The following NR2F1-AS1 variants were observed in gnomAD, a reference collection of about 807,000 sequenced individuals.
NR2F1-AS1 encodes NR2F1 regulatory antisense RNA 1, also known as NR2F1 antisense RNA 1.
intron 4 of NR2F1-AS1, among the ~76,000 whole-genome samples, chr5:93,437,806 TTTA>T (rs1342959585): frequency 6.6e-6 from 1 of 152,230 alleles, no homozygotes; most frequent in Non-Finnish European, 1.5e-5. Context: ...ATTTTATTGT[TTTA>T]TTATCTCATT....
intron 4 of NR2F1-AS1, among the ~76,000 whole-genome samples, chr5:93,513,206 C>T (rs1751337081): frequency 6.6e-6 from 1 of 152,152 alleles, no homozygotes; most frequent in African/African-American, 2.4e-5. Flanking sequence ...TTTTTATACA[C>T]TGTTAGAGAA....
At chr5:93,515,425 A>G (rs1216966081) in intron 4 of NR2F1-AS1, among the ~76,000 whole-genome samples, 3 of 151,912 alleles carry the variant, frequency 2.0e-5, no homozygotes, top group Non-Finnish European at 4.4e-5. Context: ...TACCATCATT[A>G]CTTTTTCTAT....
chr5:93,552,332 T>C (rs940533624), intron 4 of NR2F1-AS1, among the ~76,000 whole-genome samples: 17 of 152,230 alleles, frequency 1.1e-4, no homozygotes, highest in Middle Eastern at 3.4e-3. Flanking sequence ...AAGACTATAA[T>C]GGTAAGAACG....
intron 4 of NR2F1-AS1, among the ~76,000 whole-genome samples, chr5:93,446,557 A>C (rs1395680173): frequency 6.6e-6 from 1 of 152,222 alleles, no homozygotes; most frequent in African/African-American, 2.4e-5. Context: ...AAAAGAGGAC[A>C]CAAACAAATG....
chr5:93,486,945 T>G (rs7727107), intron 4 of NR2F1-AS1, among the ~76,000 whole-genome samples: 3 of 152,066 alleles, frequency 2.0e-5, no homozygotes, highest in South Asian at 4.1e-4. Flanking sequence ...GTTCAACATA[T>G]GCAAATCAAT....
chr5:93,465,293 G>T (rs527838361), intron 4 of NR2F1-AS1, among the ~76,000 whole-genome samples: 2 of 152,304 alleles, frequency 1.3e-5, no homozygotes, highest in African/African-American at 4.8e-5. Context: ...CTCAAAAGAA[G>T]ACATTTATGC....
chr5:93,476,003 C>T (rs972129305), intron 4 of NR2F1-AS1, among the ~76,000 whole-genome samples: 1 of 152,134 alleles, frequency 6.6e-6, no homozygotes, highest in Non-Finnish European at 1.5e-5. Flanking sequence ...GTTAACAATG[C>T]TATTTTTATG....
intron 4 of NR2F1-AS1, among the ~76,000 whole-genome samples, chr5:93,437,813 T>C (rs1749475343): frequency 6.6e-6 from 1 of 152,230 alleles, no homozygotes; most frequent in Admixed American, 6.5e-5. Context: ...TGTTTTATTA[T>C]CTCATTTCTA....
At chr5:93,500,627 T>A (rs1751058555) in intron 4 of NR2F1-AS1, among the ~76,000 whole-genome samples, 1 of 152,156 alleles carries the variant, frequency 6.6e-6, no homozygotes, top group South Asian at 2.1e-4. Context: ...TAATTTTGAC[T>A]TTCAAGTCTT....
intron 4 of NR2F1-AS1, among the ~76,000 whole-genome samples, chr5:93,501,787 A>C (rs1271862092): frequency 1.3e-5 from 2 of 152,256 alleles, no homozygotes; most frequent in African/African-American, 4.8e-5. Flanking sequence ...AGGGTTTGAG[A>C]GAACTAACTC....
chr5:93,576,450 A>C (rs1478641537), intron 1 of NR2F1-AS1, among the ~76,000 whole-genome samples: 1 of 150,850 alleles, frequency 6.6e-6, no homozygotes, highest in Non-Finnish European at 1.5e-5. Flanking sequence ...TTTTCATTTA[A>C]ACTTTAGCTA....
chr5:93,482,538 C>A (rs575786342), intron 4 of NR2F1-AS1, among the ~76,000 whole-genome samples: 1 of 152,248 alleles, frequency 6.6e-6, no homozygotes, highest in East Asian at 1.9e-4. Flanking sequence ...TGGGCAGACA[C>A]CGAGCTAACT....
chr5:93,540,337 A>G (rs1422586464), intron 4 of NR2F1-AS1, among the ~76,000 whole-genome samples: 1 of 152,216 alleles, frequency 6.6e-6, no homozygotes, highest in Non-Finnish European at 1.5e-5. Flanking sequence ...GATCTTTCAG[A>G]GTAGTCCTGA....
chr5:93,528,281 C>T (rs967535632), intron 4 of NR2F1-AS1, among the ~76,000 whole-genome samples: 2 of 152,096 alleles, frequency 1.3e-5, no homozygotes, highest in Non-Finnish European at 2.9e-5. Context: ...TAGAGAAAAG[C>T]AAATCAGTGC....
At position 93,427,003 on chromosome 5, in the gene NR2F1-AS1, C is replaced by T. The variant is rs377165345; in HGVS notation, n.639-31461G>A. Reference sequence around the variant, plus strand: ...TTTCTGGGCATCGATATGGAATCACCATTTATAAGTATACCTAGACAAGAC... The same window carrying T: ...TTTCTGGGCATCGATATGGAATCACTATTTATAAGTATACCTAGACAAGAC... On this transcript the variant is annotated intron_variant and non_coding_transcript_variant, in intron 4 of 5. Coordinates refer to ENST00000660523, the Ensembl canonical transcript of NR2F1-AS1. Among the ~76,000 whole-genome samples the T allele has an allele frequency of 1.7e-3, 255 of 152,254 alleles. 1 individual carries two copies. Among genetic ancestry groups the T allele is most frequent in the Middle Eastern group, 6.8e-3 (2 of 294 alleles).
intron 4 of NR2F1-AS1, among the ~76,000 whole-genome samples, chr5:93,522,335 A>G (rs1436692367): frequency 6.6e-6 from 1 of 152,220 alleles, no homozygotes; most frequent in Non-Finnish European, 1.5e-5. Context: ...ACAAACCTTC[A>G]CAAGTATCCC....
chr5:93,466,620 G>C (rs541739525), intron 4 of NR2F1-AS1, among the ~76,000 whole-genome samples: 2 of 151,874 alleles, frequency 1.3e-5, no homozygotes, highest in Admixed American at 1.3e-4. Context: ...TTACAGGTGT[G>C]AGCCACCACA....
At chr5:93,582,906 C>A (rs1753141555), upstream of NR2F1-AS1, among the ~76,000 whole-genome samples, 3 of 151,860 alleles carry the variant, frequency 2.0e-5, no homozygotes, top group Admixed American at 6.6e-5. Flanking sequence ...CCCTCACTTT[C>A]TCTCCTCCTC....
intron 4 of NR2F1-AS1, among the ~76,000 whole-genome samples, chr5:93,417,658 C>A (rs958025563): frequency 6.6e-6 from 1 of 152,168 alleles, no homozygotes; most frequent in African/African-American, 2.4e-5. Flanking sequence ...GTTCTTTTCA[C>A]GGTGTTGTGT....
Sources: allele counts gnomAD v4.1 joint callset (sites outside exome capture counted in the v4.1 genomes callset), GRCh38; gene constraint gnomAD v4.1.1; transcripts MANE v1.5; gene names NCBI Gene and HGNC (gene_info 2026-07-23, HGNC 2026-07-21).